FGF12: variants seen among roughly 807,000 people sequenced by gnomAD.
The protein encoded by FGF12 is fibroblast growth factor 12.
A neutral mutation model predicts 23.6 loss-of-function variants in FGF12; 14 were observed. That is an observed-to-expected ratio of 0.59 (90% confidence interval 0.39 to 0.93). FGF12 has a LOEUF of 0.93. Ranked by LOEUF, FGF12 falls within the 40% of genes least tolerant of loss-of-function variation. The probability of loss-of-function intolerance (pLI) is 0.00; values close to 1 mark genes in which losing one functional copy is unlikely to be tolerated. For missense variants in FGF12, 175 were observed against 217.8 expected, an observed-to-expected ratio of 0.80 and a Z score of 1.24; for synonymous variants, 62 against 77.3, an observed-to-expected ratio of 0.80 and a Z score of 1.04.
chr3:192,723,207 G>T (rs754788943), intron 2 of FGF12, among the ~76,000 whole-genome samples: 7 of 152,078 alleles, frequency 4.6e-5, no homozygotes, highest in African/African-American at 7.2e-5. Flanking sequence ...GTGATTGGAG[G>T]ATGAGCAGCA....
intron 2 of FGF12, among the ~76,000 whole-genome samples, chr3:192,658,385 T>C (rs1716526610): frequency 1.3e-5 from 2 of 152,186 alleles, no homozygotes; most frequent in South Asian, 4.1e-4. Flanking sequence ...GCTGCTGGCT[T>C]GTGAGAACGT....
chr3:192,338,188 A>G lies in FGF12; in HGVS notation c.125-2724T>C, dbSNP rs1235857657. On this transcript the variant is annotated intron_variant, in intron 3 of 5. Transcript: ENST00000445105. Reference sequence around the variant, plus strand: ...CTGTCATCCAGCTGGAGTGCAAGCAATTCTCCTGCCTCAGCCTCCAGAGTA... The same window carrying G: ...CTGTCATCCAGCTGGAGTGCAAGCAGTTCTCCTGCCTCAGCCTCCAGAGTA... 4.0e-5 allele frequency among the ~76,000 whole-genome samples: 6 copies of G among 151,894 alleles called. No homozygotes were observed. In the East Asian group the frequency reaches 9.7e-4, roughly 25 times the overall value.
At chr3:192,718,508 CTT>C (rs1432736704) in intron 2 of FGF12, among the ~76,000 whole-genome samples, 1 of 152,094 alleles carries the variant, frequency 6.6e-6, no homozygotes. Context: ...CTAATCCACT[CTT>C]GTTTTGCAGA....
At chr3:192,377,645 T>A (rs1414293600) in intron 2 of FGF12, among the ~76,000 whole-genome samples, 1 of 152,140 alleles carries the variant, frequency 6.6e-6, no homozygotes, top group East Asian at 1.9e-4. Flanking sequence ...AATTAGGACA[T>A]AAAAACACTC....
At chr3:192,306,905 A>C (rs542878672) in intron 4 of FGF12, among the ~76,000 whole-genome samples, 2 of 152,296 alleles carry the variant, frequency 1.3e-5, no homozygotes, top group East Asian at 3.9e-4. Context: ...CACTTCCAAA[A>C]TTTAATAATA....
chr3:192,299,562 T>G (rs1358513811), intron 4 of FGF12, among the ~76,000 whole-genome samples: 2 of 152,344 alleles, frequency 1.3e-5, no homozygotes, highest in Admixed American at 6.5e-5. Flanking sequence ...ATTACTTATA[T>G]GCAAACATAC....
chr3:192,718,165 T>C (rs867870185), intron 2 of FGF12, among the ~76,000 whole-genome samples: 5 of 142,926 alleles, frequency 3.5e-5, no homozygotes, highest in African/African-American at 1.3e-4. Context: ...GTCTTTCTTT[T>C]TTTTTTTTTT....
At chr3:192,627,904 T>C (rs1448182508) in intron 2 of FGF12, among the ~76,000 whole-genome samples, 1 of 151,216 alleles carries the variant, frequency 6.6e-6, no homozygotes, top group East Asian at 1.9e-4. Context: ...TTTTATCATA[T>C]GTAGAGGTTC....
At chr3:192,482,629 G>A (rs140911835) in intron 2 of FGF12, among the ~76,000 whole-genome samples, 33 of 152,134 alleles carry the variant, frequency 2.2e-4, no homozygotes, top group African/African-American at 7.2e-4. Flanking sequence ...ACGGGATTCC[G>A]TCTCAAAAAA....
At chr3:192,317,462 AG>A (rs1244589888) in intron 4 of FGF12, among the ~76,000 whole-genome samples, 3 of 152,106 alleles carry the variant, frequency 2.0e-5, no homozygotes, top group African/African-American at 7.2e-5. Flanking sequence ...GCTGTGGGCC[AG>A]GGATGGTAGT....
At chr3:192,305,346 A>C (rs956120488) in intron 4 of FGF12, among the ~76,000 whole-genome samples, 4 of 152,122 alleles carry the variant, frequency 2.6e-5, no homozygotes, top group African/African-American at 7.2e-5. Context: ...TGTAAAAAAA[A>C]ACAAATTTTT....
intron 2 of FGF12, among the ~76,000 whole-genome samples, chr3:192,589,638 G>T (rs1176511793): frequency 6.6e-6 from 1 of 151,732 alleles, no homozygotes; most frequent in East Asian, 1.9e-4. Context: ...AACCCTATAG[G>T]ATTCATGGGA....
intron 2 of FGF12, among the ~76,000 whole-genome samples, chr3:192,694,081 T>C (rs779518426): frequency 1.3e-5 from 2 of 152,114 alleles, no homozygotes; most frequent in Non-Finnish European, 2.9e-5. Flanking sequence ...ACTTTTAAAA[T>C]AGGTGAGAGA....
At chr3:192,377,147 C>T (rs992970393) in intron 2 of FGF12, among the ~76,000 whole-genome samples, 1 of 152,200 alleles carries the variant, frequency 6.6e-6, no homozygotes, top group Non-Finnish European at 1.5e-5. Flanking sequence ...ACATCAAGTT[C>T]CTTTTAGTTT....
At chr3:192,402,105 C>T (rs1720787484) in intron 2 of FGF12, among the ~76,000 whole-genome samples, 2 of 152,222 alleles carry the variant, frequency 1.3e-5, no homozygotes. Context: ...TTCTGCTATG[C>T]TATCACTTAA....
intron 5 of FGF12, among the ~76,000 whole-genome samples, chr3:192,166,812 T>G (rs1560175041): frequency 1.3e-5 from 2 of 152,164 alleles, no homozygotes; most frequent in Admixed American, 6.5e-5. Flanking sequence ...AGAAGGTGTT[T>G]GGCCTAAAAC....
rs1376562346 is a variant in FGF12, at chr3:192,707,940, A to G, written c.13+19241T>C. 2.6e-5 allele frequency among the ~76,000 whole-genome samples: 4 copies of G among 151,888 alleles called. No homozygotes were observed. In the East Asian group the frequency reaches 7.7e-4, roughly 29 times the overall value. ...AGGAAGTTCAGTCATATGGAATAGC[A>G]TCCATTATTATTATTATTTATTTAT... On this transcript the variant is annotated intron_variant, in intron 2 of 5. Coordinates refer to ENST00000445105, the MANE Select transcript of FGF12 (RefSeq NM_004113.6).
At chr3:192,513,519 A>G (rs1240784729) in intron 2 of FGF12, among the ~76,000 whole-genome samples, 1 of 152,222 alleles carries the variant, frequency 6.6e-6, no homozygotes, top group Non-Finnish European at 1.5e-5. Flanking sequence ...TCAAAGATCT[A>G]TAAGAATGAA....
intron 4 of FGF12, among the ~76,000 whole-genome samples, chr3:192,266,630 T>C (rs374594314): frequency 1.3e-5 from 2 of 152,098 alleles, no homozygotes; most frequent in Non-Finnish European, 2.9e-5. Context: ...AAAAGAGGCA[T>C]TTAGTGAGAA....
Sources: allele counts gnomAD v4.1 joint callset (sites outside exome capture counted in the v4.1 genomes callset), GRCh38; gene constraint gnomAD v4.1.1; transcripts MANE v1.5; gene names NCBI Gene and HGNC (gene_info 2026-07-23, HGNC 2026-07-21).